NELL1: variants seen among roughly 807,000 people sequenced by gnomAD.
NELL1 encodes neural EGFL like 1.
Under a neutral mutation model 107.4 loss-of-function variants are expected in NELL1, and 76 were observed. The ratio of observed to expected loss-of-function variants is 0.71; its 90% CI spans 0.59 to 0.86. The LOEUF (loss-of-function observed/expected upper bound fraction) is 0.86. Among genes scored for constraint, NELL1 ranks in the 40% least tolerant of loss-of-function variants. The pLI is 0.00. For synonymous variants in NELL1, 353 were observed against 341.2 expected (o/e 1.03, Z -0.38); for missense variants, 1,024 against 1,005.5 (o/e 1.02, Z -0.25).
At chr11:20,987,403 G>C (rs371448607) in intron 12 of NELL1, among the ~76,000 whole-genome samples, 2 of 152,174 alleles carry the variant, frequency 1.3e-5, no homozygotes, top group South Asian at 2.1e-4. Context: ...CTGAGACTGA[G>C]TAATTTATAA....
intron 3 of NELL1, among the ~76,000 whole-genome samples, chr11:20,814,231 T>C (rs1008528551): frequency 1.3e-5 from 2 of 152,180 alleles, no homozygotes; most frequent in Non-Finnish European, 2.9e-5. Context: ...CCTGACCTCG[T>C]GATCCGCCCG....
In NELL1 at chr11:21,100,368, C is replaced by G. The variant is rs76866991; in HGVS notation, c.1301-13221C>G. Among the ~76,000 whole-genome samples, 1,416 of 152,288 alleles carry G rather than the reference C, an allele frequency of 9.3e-3. 23 individuals are homozygous for G. Among genetic ancestry groups the G allele is most frequent in the African/African-American group, 0.032 (1,349 of 41,546 alleles). ...AGTTCAGTGGCATTAATTACATTCA[C>G]AATGTTGTGCAACAATCATCGCTAT... On this transcript the variant is annotated intron_variant, in intron 12 of 19. Coordinates refer to ENST00000357134, the MANE Select transcript of NELL1 (RefSeq NM_006157.5).
Position 20,927,454 on chromosome 11 carries a change from T to A in NELL1, c.894+12T>A. Reference sequence around the variant, plus strand: ...ACTGCACTTGCAAAGTAAGCCTCTTTGTAAATAAATACAGTAAAAACAGTT... The same window carrying A: ...ACTGCACTTGCAAAGTAAGCCTCTTAGTAAATAAATACAGTAAAAACAGTT... On this transcript the variant is annotated intron_variant, in intron 8 of 19. Coordinates refer to ENST00000357134, the MANE Select transcript of NELL1 (RefSeq NM_006157.5). 6.2e-7 allele frequency: 1 copy of A among 1,604,724 alleles called. No homozygotes were observed. Among genetic ancestry groups the A allele is most frequent in the East Asian group, 2.2e-5 (1 of 44,732 alleles).
At chr11:20,888,664 CAT>C (rs1171633537) in intron 5 of NELL1, among the ~76,000 whole-genome samples, 2 of 152,026 alleles carry the variant, frequency 1.3e-5, no homozygotes, top group Non-Finnish European at 2.9e-5. Flanking sequence ...TCATAGAAAA[CAT>C]AGAGGCATCA....
chr11:21,315,864 G>T (rs771853669), intron 14 of NELL1, among the ~76,000 whole-genome samples: 8 of 31,744 alleles, frequency 2.5e-4, no homozygotes, highest in Admixed American at 1.8e-3. Context: ...GAATGTGTTG[G>T]TGGTGGTGGT....
intron 13 of NELL1, among the ~76,000 whole-genome samples, chr11:21,210,199 G>C (rs1857470143): frequency 6.6e-6 from 1 of 152,102 alleles, no homozygotes; most frequent in Non-Finnish European, 1.5e-5. Context: ...ATGAGTATCT[G>C]TGTACAGGTC....
intron 2 of NELL1, among the ~76,000 whole-genome samples, chr11:20,782,653 G>A (rs756723996): frequency 6.6e-6 from 1 of 152,164 alleles, no homozygotes; most frequent in Non-Finnish European, 1.5e-5. Context: ...TTTTTCAAGG[G>A]CTTCCCATGT....
chr11:20,711,612 GA>G (rs1238465382), intron 2 of NELL1, among the ~76,000 whole-genome samples: 1 of 151,448 alleles, frequency 6.6e-6, no homozygotes, highest in East Asian at 1.9e-4. Flanking sequence ...TTTTTTGTCT[GA>G]AAAAGACTTT....
chr11:20,859,496 G>A (rs1403689866), intron 4 of NELL1, among the ~76,000 whole-genome samples: 1 of 152,168 alleles, frequency 6.6e-6, no homozygotes, highest in Non-Finnish European at 1.5e-5. Context: ...CATCACGACT[G>A]ACTGCAAATG....
At chr11:21,315,029 G>T (rs1849845785) in intron 14 of NELL1, among the ~76,000 whole-genome samples, 1 of 152,002 alleles carries the variant, frequency 6.6e-6, no homozygotes, top group African/African-American at 2.4e-5. Flanking sequence ...GATAATTTTT[G>T]TATTTTTAGT....
chr11:21,198,233 A>C (rs1857195519), intron 13 of NELL1, among the ~76,000 whole-genome samples: 1 of 152,230 alleles, frequency 6.6e-6, no homozygotes, highest in Non-Finnish European at 1.5e-5. Flanking sequence ...GGTTCTGAGA[A>C]GCAGTGGCCC....
intron 15 of NELL1, among the ~76,000 whole-genome samples, chr11:21,490,629 G>C (rs1436005640): frequency 1.3e-5 from 2 of 151,852 alleles, no homozygotes; most frequent in South Asian, 4.1e-4. Context: ...AGAATAGAAA[G>C]GCCAGAAATA....
rs540024407 is a variant in NELL1 at position 21,265,940 on chromosome 11, C to G, written c.1549+36486C>G. Among the ~76,000 whole-genome samples, 18 of 152,102 alleles carry G rather than the reference C, an allele frequency of 1.2e-4. No individual in the cohort carries two copies. In the South Asian group the frequency reaches 3.7e-3, roughly 32 times the overall value. On this transcript the variant is annotated intron_variant, in intron 14 of 19. Coordinates refer to ENST00000357134, the MANE Select transcript of NELL1 (RefSeq NM_006157.5). ...TCCCTATTTTTTGGTCAATATTTTTCTACATAAATCCTTCCTTTCAGCCAA... is the reference window on the plus strand; with the variant it reads ...TCCCTATTTTTTGGTCAATATTTTTGTACATAAATCCTTCCTTTCAGCCAA...
At chr11:21,452,386 A>G (rs1031474792) in intron 15 of NELL1, among the ~76,000 whole-genome samples, 2 of 152,038 alleles carry the variant, frequency 1.3e-5, no homozygotes, top group Non-Finnish European at 2.9e-5. Context: ...AAGAAGTTGA[A>G]GTTTTCTATT....
At chr11:20,850,052 A>T (rs1848768421) in intron 4 of NELL1, among the ~76,000 whole-genome samples, 1 of 152,186 alleles carries the variant, frequency 6.6e-6, no homozygotes, top group Non-Finnish European at 1.5e-5. Flanking sequence ...GCTGGGCTAC[A>T]ACAAATAAAT....
intron 4 of NELL1, among the ~76,000 whole-genome samples, chr11:20,859,444 G>T (rs977040479): frequency 6.7e-6 from 1 of 150,232 alleles, no homozygotes; most frequent in Non-Finnish European, 1.5e-5. Flanking sequence ...TGCCTTGTGT[G>T]GGTCTCGATG....
intron 15 of NELL1, among the ~76,000 whole-genome samples, chr11:21,449,951 G>C (rs1414925799): frequency 2.0e-5 from 3 of 152,110 alleles, no homozygotes; most frequent in Non-Finnish European, 2.9e-5. Context: ...TATCACAGTA[G>C]GTTGATAACC....
At position 21,318,766 on chromosome 11, in the gene NELL1, T is replaced by C. The variant is rs566378529; in HGVS notation, c.1550-52087T>C. The stretch of plus-strand genomic sequence containing the variant: ...ATGGGTTAATTTTCCTAATAAGACA[T>C]TTTTTCTTTCTGTTGTGTTCCTACT... On this transcript the variant is annotated intron_variant, in intron 14 of 19. Coordinates refer to ENST00000357134, the MANE Select transcript of NELL1 (RefSeq NM_006157.5). Among the ~76,000 whole-genome samples the C allele has an allele frequency of 2.6e-4, 40 of 151,944 alleles. 2 individuals are homozygous for C. The highest frequency in any genetic ancestry group is 9.2e-4 in the African/African-American group (38 of 41,220).
At chr11:21,170,225 T>A in intron 13 of NELL1, 1 of 457,300 alleles carries the variant, frequency 2.2e-6, no homozygotes, top group South Asian at 2.9e-5. Context: ...TTGGGAAAAT[T>A]TCTTGTCCTC....
Sources: gnomAD v4.1 joint callset for allele counts (sites outside exome capture counted in the v4.1 genomes callset) on GRCh38, gnomAD v4.1.1 for gene constraint, MANE v1.5 for transcripts, NCBI Gene and HGNC (gene_info 2026-07-23, HGNC 2026-07-21) for gene names.